SYNE2: variants seen among roughly 807,000 people sequenced by gnomAD.
SYNE2 encodes spectrin repeat containing nuclear envelope protein 2.
A neutral mutation model predicts 856.3 loss-of-function variants in SYNE2; 431 were observed. The observed-to-expected ratio is 0.50, with a 90% CI of 0.47 to 0.55. SYNE2 has a LOEUF of 0.55. Among genes scored for constraint, SYNE2 ranks in the 20% least tolerant of loss-of-function variants. SYNE2 has a pLI of 0.00. For missense variants in SYNE2, 8,129 were observed against 8,023.2 expected (o/e 1.01, Z -0.50); for synonymous variants, 2,923 against 2,872.3 (o/e 1.02, Z -0.56).
intron 84 of SYNE2, 30 bp downstream of exon 84, chr14:64,146,253 C>G (rs918300169): frequency 6.3e-7 from 1 of 1,585,010 alleles, no homozygotes; most frequent in Non-Finnish European, 8.6e-7. Flanking sequence ...CCCACCCAAC[C>G]CGCGAGCTGG....
chr14:63,982,549 A>G (rs2096594665), intron 16 of SYNE2, 81 bp from the exon 17 acceptor site: 3 of 1,360,850 alleles, frequency 2.2e-6, no homozygotes, highest in Non-Finnish European at 3.1e-6. Context: ...AAAAGAAAAA[A>G]GCCTTGGTGA....
intron 27 of SYNE2, among the ~76,000 whole-genome samples, chr14:64,000,286 T>C (rs1353668528): frequency 1.3e-5 from 2 of 152,244 alleles, no homozygotes; most frequent in Non-Finnish European, 2.9e-5. Flanking sequence ...TTGTATTCTA[T>C]GTAATTACCT....
At chr14:63,979,726 C>G (rs148882148) in intron 14 of SYNE2, among the ~76,000 whole-genome samples, 4,560 of 152,222 alleles carry the variant, frequency 0.03, 243 homozygotes, top group African/African-American at 0.1. Context: ...ATGGCGAAAC[C>G]CTGTCTCTAC....
At chr14:64,179,469 A>G (rs1398307874) in intron 96 of SYNE2, among the ~76,000 whole-genome samples, 2 of 152,176 alleles carry the variant, frequency 1.3e-5, no homozygotes, top group Admixed American at 6.5e-5. Context: ...CCTCATTGTG[A>G]TTTGGAGTCA....
chr14:63,983,664 C>T (rs1386063190), intron 17 of SYNE2, 73 bp from the exon 18 acceptor site: 1 of 1,246,208 alleles, frequency 8.0e-7, no homozygotes, highest in East Asian at 2.5e-5. Flanking sequence ...ATTACATCCA[C>T]TTACTGTTTG....
intron 1 of SYNE2, among the ~76,000 whole-genome samples, chr14:63,819,463 C>A (rs1328767704): frequency 6.6e-6 from 1 of 151,632 alleles, no homozygotes; most frequent in African/African-American, 2.4e-5. Flanking sequence ...AACTCCTGAC[C>A]TCAGGTGATC....
intron 99 of SYNE2, chr14:64,190,519 G>T (rs2098513071): frequency 1.5e-6 from 1 of 668,290 alleles, no homozygotes; most frequent in East Asian, 2.7e-5. Context: ...ATCCTTGGGA[G>T]GGGGTATTGT....
chr14:63,871,465 C>T (rs1297180463), intron 1 of SYNE2, among the ~76,000 whole-genome samples: 1 of 152,012 alleles, frequency 6.6e-6, no homozygotes, highest in Non-Finnish European at 1.5e-5. Context: ...GCCTCAGCCT[C>T]CCAAAGTGCT....
At chr14:64,033,481 C>G (rs1479641824) in intron 45 of SYNE2, among the ~76,000 whole-genome samples, 1 of 151,098 alleles carries the variant, frequency 6.6e-6, no homozygotes, top group Non-Finnish European at 1.5e-5. Flanking sequence ...GAGTTCAAGA[C>G]CAGCCTGGGC....
chr14:64,217,033 CTTTGT>C (rs1320186093), intron 108 of SYNE2, among the ~76,000 whole-genome samples: 1 of 152,186 alleles, frequency 6.6e-6, no homozygotes, highest in Non-Finnish European at 1.5e-5. Flanking sequence ...ACCTTCAAGC[CTTTGT>C]TATGTTAACC....
At chr14:63,990,287 G>C (rs908804547) in intron 19 of SYNE2, 124 bp from the exon 20 acceptor site, 3 of 830,804 alleles carry the variant, frequency 3.6e-6, no homozygotes, top group African/African-American at 3.5e-5. Context: ...TCATTTTTCA[G>C]AATGCAAATT....
At chr14:63,793,014 A>C (rs1405071953) in intron 1 of SYNE2, among the ~76,000 whole-genome samples, 1 of 152,148 alleles carries the variant, frequency 6.6e-6, no homozygotes, top group African/African-American at 2.4e-5. Context: ...AAAATGTAGA[A>C]TATTATCATA....
intron 107 of SYNE2, chr14:64,215,874 C>A (rs188388113): frequency 7.8e-6 from 9 of 1,151,382 alleles, no homozygotes; most frequent in African/African-American, 3.2e-5. Flanking sequence ...CCCTGAGGAG[C>A]CTTTTGGTTC....
At chr14:64,179,819 C>T (rs755269925) in intron 96 of SYNE2, among the ~76,000 whole-genome samples, 6 of 152,026 alleles carry the variant, frequency 3.9e-5, no homozygotes, top group Non-Finnish European at 7.3e-5. Flanking sequence ...TGTCTTTTCC[C>T]ATCTGAGAGC....
chr14:64,187,500 T>C (rs1317405713), intron 97 of SYNE2, among the ~76,000 whole-genome samples: 1 of 152,194 alleles, frequency 6.6e-6, no homozygotes, highest in African/African-American at 2.4e-5. Flanking sequence ...AGAATGACAA[T>C]GTGCAAAATG....
chr14:64,114,566 A>G (rs953765778), intron 66 of SYNE2, among the ~76,000 whole-genome samples: 4 of 151,770 alleles, frequency 2.6e-5, no homozygotes, highest in Non-Finnish European at 5.9e-5. Context: ...CAGGAACCAG[A>G]CAGACAGGCC....
intron 8 of SYNE2, among the ~76,000 whole-genome samples, chr14:63,961,066 T>C (rs891543654): frequency 2.0e-5 from 3 of 152,200 alleles, no homozygotes; most frequent in Admixed American, 2.0e-4. Flanking sequence ...AGATAAGCCT[T>C]CCGTACAATA....
intron 1 of SYNE2, among the ~76,000 whole-genome samples, chr14:63,859,050 G>T (rs1892760610): frequency 6.6e-6 from 1 of 152,190 alleles, no homozygotes; most frequent in African/African-American, 2.4e-5. Context: ...GGAACATTTG[G>T]TAATTTTTGG....
chr14:63,951,534 C>A (rs536718608), intron 7 of SYNE2, among the ~76,000 whole-genome samples: 1 of 152,156 alleles, frequency 6.6e-6, no homozygotes, highest in Non-Finnish European at 1.5e-5. Context: ...AACTCCTGAC[C>A]TCAGGTGATC....
Sources: gnomAD v4.1 joint callset for allele counts (sites outside exome capture counted in the v4.1 genomes callset) on GRCh38, gnomAD v4.1.1 for gene constraint, MANE v1.5 for transcripts, NCBI Gene and HGNC (gene_info 2026-07-23, HGNC 2026-07-21) for gene names.